Variants in AKAP6 observed in about 807,000 individuals in gnomAD.
AKAP6 encodes A-kinase anchoring protein 6, also known as A-kinase anchor protein 6.
A neutral mutation model predicts 188.5 loss-of-function variants in AKAP6; 58 were observed. The observed-to-expected ratio is 0.31, with a 90% confidence interval of 0.25 to 0.38. AKAP6 has a LOEUF of 0.38. Among genes scored for constraint, AKAP6 ranks in the 10% least tolerant of loss-of-function variants. The pLI is 1.00. For missense variants in AKAP6, 2,710 were observed against 2,740.0 expected (o/e 0.99, Z 0.24); for synonymous variants, 989 against 998.6 (o/e 0.99, Z 0.18).
intron 2 of AKAP6, among the ~76,000 whole-genome samples, chr14:32,460,291 A>G (rs1283867921): frequency 6.6e-6 from 1 of 152,248 alleles, no homozygotes; most frequent in African/African-American, 2.4e-5. Flanking sequence ...GGAAAGGTAC[A>G]GATTAAAAGA....
intron 9 of AKAP6, among the ~76,000 whole-genome samples, chr14:32,700,470 C>T (rs1264474328): frequency 6.6e-6 from 1 of 152,182 alleles, no homozygotes; most frequent in Non-Finnish European, 1.5e-5. Flanking sequence ...AGCTTACCTG[C>T]TCCTCATCAA....
intron 4 of AKAP6, among the ~76,000 whole-genome samples, chr14:32,556,694 C>T (rs1373110628): frequency 6.6e-6 from 1 of 152,170 alleles, no homozygotes; most frequent in Non-Finnish European, 1.5e-5. Context: ...ATTATTTTCT[C>T]CCATTCTGTA....
intron 3 of AKAP6, among the ~76,000 whole-genome samples, chr14:32,540,055 A>G (rs982648751): frequency 2.0e-5 from 3 of 149,586 alleles, no homozygotes; most frequent in African/African-American, 4.9e-5. Flanking sequence ...GCTTCAGTTA[A>G]TTATGGAAAA....
At chr14:32,354,599 C>T (rs1381459778) in intron 1 of AKAP6, among the ~76,000 whole-genome samples, 1 of 152,206 alleles carries the variant, frequency 6.6e-6, no homozygotes, top group Non-Finnish European at 1.5e-5. Flanking sequence ...CTGGCTCTTT[C>T]CTCTATCTGT....
intron 3 of AKAP6, among the ~76,000 whole-genome samples, chr14:32,543,827 G>A (rs1883070499): frequency 6.6e-6 from 1 of 152,162 alleles, no homozygotes; most frequent in African/African-American, 2.4e-5. Flanking sequence ...CTACTCTTAT[G>A]TAAGAAAGGG....
At chr14:32,512,919 T>C (rs1191500128) in intron 2 of AKAP6, among the ~76,000 whole-genome samples, 2 of 152,224 alleles carry the variant, frequency 1.3e-5, no homozygotes, top group Non-Finnish European at 2.9e-5. Flanking sequence ...CATAAGTTTA[T>C]ATAAACTAAT....
At chr14:32,535,829 G>A in intron 3 of AKAP6, 24 bp downstream of exon 3, 1 of 1,594,966 alleles carries the variant, frequency 6.3e-7, no homozygotes. Flanking sequence ...TTGAAGTTAA[G>A]CAATGCATTT....
chr14:32,638,414 T>C (rs1461773753), intron 7 of AKAP6, among the ~76,000 whole-genome samples: 3 of 152,138 alleles, frequency 2.0e-5, no homozygotes, highest in Non-Finnish European at 4.4e-5. Flanking sequence ...TTTTCTCTTC[T>C]GCTTCCAGTG....
At chr14:32,805,872 A>G (rs996666662) in intron 12 of AKAP6, among the ~76,000 whole-genome samples, 1 of 152,362 alleles carries the variant, frequency 6.6e-6, no homozygotes, top group Middle Eastern at 3.4e-3. Context: ...AAATACCAAT[A>G]TTGAAAAAGC....
At chr14:32,492,355 T>TATATATATAGAGAGAGAGAGAGAGAGAG in intron 2 of AKAP6, among the ~76,000 whole-genome samples, 12 of 82,604 alleles carry the variant, frequency 1.5e-4, no homozygotes, top group African/African-American at 4.0e-4. Flanking sequence ...TATATATATA[T>TATATATATAGAGAGAGAGAGAGAGAGAG]AGAGAGAGAG....
intron 7 of AKAP6, among the ~76,000 whole-genome samples, chr14:32,665,212 C>G (rs988646891): frequency 6.6e-6 from 1 of 151,984 alleles, no homozygotes; most frequent in Non-Finnish European, 1.5e-5. Context: ...AGTGTCATAT[C>G]CCACAGATTG....
intron 11 of AKAP6, among the ~76,000 whole-genome samples, chr14:32,739,454 A>C (rs1425685416): frequency 2.0e-5 from 3 of 152,048 alleles, no homozygotes; most frequent in Non-Finnish European, 4.4e-5. Context: ...TGTGCTATCA[A>C]ATACTGGGTC....
At chr14:32,657,806 A>G (rs1888515921) in intron 7 of AKAP6, among the ~76,000 whole-genome samples, 1 of 150,754 alleles carries the variant, frequency 6.6e-6, no homozygotes, top group Admixed American at 6.6e-5. Context: ...CTTCTATTCC[A>G]TATAATGATG....
At chr14:32,715,693 A>C (rs1252488420) in intron 9 of AKAP6, among the ~76,000 whole-genome samples, 1 of 151,928 alleles carries the variant, frequency 6.6e-6, no homozygotes, top group Non-Finnish European at 1.5e-5. Flanking sequence ...AGGAAGACAA[A>C]CTGGAGAAGA....
intron 7 of AKAP6, among the ~76,000 whole-genome samples, chr14:32,641,949 C>T (rs1319282201): frequency 6.6e-6 from 1 of 151,954 alleles, no homozygotes; most frequent in African/African-American, 2.4e-5. Context: ...GGCAACTCGG[C>T]AAATACATGA....
chr14:32,344,230 A>G (rs1248305393), intron 1 of AKAP6, among the ~76,000 whole-genome samples: 1 of 152,202 alleles, frequency 6.6e-6, no homozygotes, highest in Non-Finnish European at 1.5e-5. Flanking sequence ...TCATCATTCT[A>G]GCTGTGATGT....
chr14:32,694,784 T>C (rs1477538477), intron 8 of AKAP6, among the ~76,000 whole-genome samples: 3 of 152,118 alleles, frequency 2.0e-5, no homozygotes, highest in Non-Finnish European at 4.4e-5. Flanking sequence ...GATTAAATTA[T>C]AAGTTATTAA....
At chr14:32,770,371 T>C (rs766821365) in intron 11 of AKAP6, among the ~76,000 whole-genome samples, 5 of 152,244 alleles carry the variant, frequency 3.3e-5, no homozygotes, top group Admixed American at 6.5e-5. Context: ...GGCATATTGA[T>C]AGTTGTGTTT....
chr14:32,487,091 T>C (rs755509101), intron 2 of AKAP6, among the ~76,000 whole-genome samples: 12 of 152,356 alleles, frequency 7.9e-5, no homozygotes, highest in Admixed American at 2.6e-4. Context: ...GTTTTTGTCA[T>C]TGGTTCTGTT....
Sources: allele counts gnomAD v4.1 joint callset (sites outside exome capture counted in the v4.1 genomes callset), GRCh38; gene constraint gnomAD v4.1.1; transcripts MANE v1.5; gene names NCBI Gene and HGNC (gene_info 2026-07-23, HGNC 2026-07-21).